The following BRIX1 variants were observed in gnomAD, a reference collection of about 807,000 sequenced individuals.
The protein encoded by BRIX1 is biogenesis of ribosomes BRX1.
Under a neutral mutation model 44.0 loss-of-function variants are expected in BRIX1, and 15 were observed. The ratio of observed to expected loss-of-function variants is 0.34; its 90% CI spans 0.23 to 0.53. The LOEUF is 0.53. Ranked by LOEUF, BRIX1 falls within the 20% of genes least tolerant of loss-of-function variation. The pLI is 0.95. For missense variants in BRIX1, 420 were observed against 432.8 expected, an observed-to-expected ratio of 0.97 and a Z score of 0.26; for synonymous variants, 149 against 135.4, an observed-to-expected ratio of 1.10 and a Z score of -0.70.
intron 4 of BRIX1, 65 bp from the exon 5 acceptor site, chr5:34,922,474 G>A (rs1764262582): frequency 1.9e-6 from 2 of 1,026,506 alleles, no homozygotes; most frequent in African/African-American, 1.6e-5. Flanking sequence ...TATTTATGGT[G>A]AATAGGTGGT....
intron 9 of BRIX1, 104 bp from the exon 10 acceptor site, chr5:34,925,122 G>T (rs1366040950): frequency 7.7e-6 from 11 of 1,437,570 alleles, no homozygotes; most frequent in Non-Finnish European, 1.0e-5. Flanking sequence ...CTTTTTTCAT[G>T]ACACTGGCTG....
At position 34,918,328 on chromosome 5, in the gene BRIX1, G is replaced by A. The variant is rs775860935; in HGVS notation, c.160-36G>A. 45 of 1,129,792 alleles carry A rather than the reference G, an allele frequency of 4.0e-5. 2 individuals are homozygous for A. Among genetic ancestry groups the A allele is most frequent in the Middle Eastern group, 2.0e-4 (1 of 4,996 alleles). 70.0% of individuals were successfully genotyped at this position (1,129,792 alleles called of 1,614,324 possible). A position where few individuals can be genotyped will look rare whatever the true frequency, so the allele number is the denominator to read the frequency against. ...ACAAAACAAGATCAGTTCAGTATAA[G>A]ATTTTAAAATCTTTTAACATTTTCT... On this transcript the variant is annotated intron_variant, in intron 1 of 9. Coordinates refer to ENST00000336767, the MANE Select transcript of BRIX1 (RefSeq NM_018321.4).
Sources: gnomAD v4.1 joint callset for allele counts on GRCh38, gnomAD v4.1.1 for gene constraint, MANE v1.5 for transcripts, NCBI Gene and HGNC (gene_info 2026-07-23, HGNC 2026-07-21) for gene names.